C2CD3: variants seen among roughly 807,000 people sequenced by gnomAD.
C2CD3 encodes C2 domain containing 3 centriole elongation regulator, also known as C2 domain-containing protein 3.
In C2CD3, 148 loss-of-function variants were observed where a neutral mutation model predicts 234.0. The ratio of observed to expected loss-of-function variants is 0.63; its 90% CI spans 0.55 to 0.72. The LOEUF (loss-of-function observed/expected upper bound fraction) is 0.72, where lower values mean the gene tolerates loss of function less well. Among genes scored for constraint, C2CD3 ranks in the 30% least tolerant of loss-of-function variants. C2CD3 has a pLI of 0.00. For synonymous variants in C2CD3, 1,000 were observed against 1,035.4 expected (o/e 0.97, Z 0.66); for missense variants, 2,577 against 2,811.5 (o/e 0.92, Z 1.89).
intron 30 of C2CD3, chr11:74,034,566 T>A: frequency 1.9e-6 from 3 of 1,613,850 alleles, no homozygotes; most frequent in Non-Finnish European, 2.5e-6. Context: ...GAGCTGGGAG[T>A]CCTGGTGGGC....
chr11:74,122,163 G>A (rs570537439), intron 8 of C2CD3, among the ~76,000 whole-genome samples: 8 of 152,252 alleles, frequency 5.3e-5, no homozygotes, highest in South Asian at 2.1e-4. Context: ...CCCTTGTAGC[G>A]CAAAAATGTG....
intron 8 of C2CD3, among the ~76,000 whole-genome samples, chr11:74,119,044 G>T (rs1002104643): frequency 6.6e-6 from 1 of 151,708 alleles, no homozygotes; most frequent in East Asian, 1.9e-4. Flanking sequence ...CAAGTAGCTG[G>T]GACTACAGAC....
At chr11:74,063,917 T>C (rs904552482) in intron 24 of C2CD3, among the ~76,000 whole-genome samples, 1 of 152,194 alleles carries the variant, frequency 6.6e-6, no homozygotes, top group African/African-American at 2.4e-5. Context: ...ATTATTATTA[T>C]ACTTTAAGTT....
chr11:74,049,600 T>C (rs2135430249), intron 26 of C2CD3, 58 bp from the exon 27 acceptor site: 2 of 1,363,896 alleles, frequency 1.5e-6, no homozygotes, highest in Non-Finnish European at 2.1e-6. Flanking sequence ...CCACTGAGAT[T>C]AGAGGGTGCA....
intron 25 of C2CD3, among the ~76,000 whole-genome samples, chr11:74,056,186 C>G (rs1953941308): frequency 6.6e-6 from 1 of 152,146 alleles, no homozygotes; most frequent in Non-Finnish European, 1.5e-5. Flanking sequence ...TACACAAACA[C>G]TGTGAGAAAA....
intron 24 of C2CD3, 104 bp downstream of exon 24, chr11:74,074,149 A>G (rs1378943875): frequency 2.6e-6 from 2 of 779,368 alleles, no homozygotes; most frequent in African/African-American, 3.5e-5. Flanking sequence ...AATATTTATC[A>G]GTTGAGATAA....
At position 74,042,075 on chromosome 11, in the gene C2CD3, G is replaced by A; in HGVS notation, c.5639C>T (p.Thr1880Ile). 6.2e-7 allele frequency: 1 copy of A among 1,614,054 alleles called. No individual in the cohort carries two copies. The highest frequency in any genetic ancestry group is 1.3e-5 in the African/African-American group (1 of 75,030). ...TCACCTGAGAGAAGTCAGAATGGAG[G>A]TTTGGGAGGACAAAGGTGATGTGGT... ...KLTTSPLSSQ[T>I]SILTSLRKNL... Residue 1880 changes from threonine to isoleucine, a missense_variant, in exon 29 of 33, where the codon ACC becomes ATC. Coordinates refer to ENST00000334126, the MANE Select transcript of C2CD3 (RefSeq NM_001286577.2).
chr11:74,146,457 T>C (rs1032952675), intron 3 of C2CD3, among the ~76,000 whole-genome samples: 2 of 152,100 alleles, frequency 1.3e-5, no homozygotes, highest in African/African-American at 4.8e-5. Flanking sequence ...ATGAGAACTT[T>C]TATGTAAGGG....
At position 74,013,337 on chromosome 11, in the gene C2CD3, G is replaced by T; in HGVS notation, c.*48C>A. On this transcript the variant is annotated 3_prime_UTR_variant, in exon 33 of 33. Coordinates refer to ENST00000334126, the MANE Select transcript of C2CD3 (RefSeq NM_001286577.2). ...TGCCTCCTGCAAGCTGGACAAAGCTGACGGAGGGTGGGCAGGTGTCTCCTT... is the reference window on the plus strand; with the variant it reads ...TGCCTCCTGCAAGCTGGACAAAGCTTACGGAGGGTGGGCAGGTGTCTCCTT... 1.7e-6 allele frequency: 1 copy of T among 597,798 alleles called. No individual in the cohort carries two copies. Among genetic ancestry groups the T allele is most frequent in the South Asian group, 2.9e-5 (1 of 34,510 alleles). The allele number at this position is 597,798 out of a possible 1,614,324, so 37.0% of individuals were successfully genotyped here.
intron 7 of C2CD3, chr11:74,129,418 G>A (rs1486060365): frequency 2.3e-5 from 4 of 171,062 alleles, no homozygotes; most frequent in Non-Finnish European, 4.8e-5. Flanking sequence ...GGGCAGAGGC[G>A]CTCCTCACAT....
chr11:74,114,636 C>A, intron 9 of C2CD3, 43 bp from the exon 10 acceptor site: 1 of 1,240,124 alleles, frequency 8.1e-7, no homozygotes, highest in South Asian at 1.2e-5. Context: ...CTGCTACAGG[C>A]TTCACATGAA....
chr11:74,032,831 C>T (rs1952578082), intron 31 of C2CD3, among the ~76,000 whole-genome samples: 1 of 151,236 alleles, frequency 6.6e-6, no homozygotes. Context: ...TAACCTTGTA[C>T]TCCAGCTTGG....
chr11:74,106,959 G>A (rs1403255389), intron 12 of C2CD3, among the ~76,000 whole-genome samples: 1 of 152,190 alleles, frequency 6.6e-6, no homozygotes, highest in African/African-American at 2.4e-5. Flanking sequence ...TTTGGTAACA[G>A]ATATTAAAAG....
intron 11 of C2CD3, 50 bp downstream of exon 11, chr11:74,113,730 T>C (rs1191041118): frequency 4.6e-6 from 5 of 1,080,798 alleles, no homozygotes; most frequent in Non-Finnish European, 7.1e-6. Context: ...ATTCAAAAAT[T>C]CTTCCAAAGT....
chr11:74,040,051 C>T (rs112898265), intron 29 of C2CD3, among the ~76,000 whole-genome samples: 1 of 152,200 alleles, frequency 6.6e-6, no homozygotes, highest in African/African-American at 2.4e-5. Flanking sequence ...GGGCTGTGTT[C>T]GTGGCCTATT....
In C2CD3 at chr11:74,170,891, A is replaced by G; in HGVS notation, c.-99T>C. 6.9e-7 allele frequency: 1 copy of G among 1,451,350 alleles called. No individual in the cohort carries two copies. The highest frequency in any genetic ancestry group is 2.2e-4 in the Middle Eastern group (1 of 4,468). 89.9% of individuals were successfully genotyped at this position (1,451,350 alleles called of 1,614,324 possible). On this transcript the variant is annotated 5_prime_UTR_variant, in exon 1 of 33. Transcript: ENST00000334126. ...CCCACGGCGCCTGCGTTCCCCGGCA[A>G]CCGGCGCCGCTGGGCAGCCTGGGAG...
intron 9 of C2CD3, among the ~76,000 whole-genome samples, chr11:74,116,702 A>G (rs992911175): frequency 6.6e-6 from 1 of 151,534 alleles, no homozygotes; most frequent in Non-Finnish European, 1.5e-5. Flanking sequence ...ACAATTTGCA[A>G]TTGCAAAAAT....
At chr11:74,109,287 A>T in intron 11 of C2CD3, 135 bp from the exon 12 acceptor site, 1 of 596,344 alleles carries the variant, frequency 1.7e-6, no homozygotes, top group Non-Finnish European at 3.0e-6. Flanking sequence ...GTGTGCTTTC[A>T]CAGAAAGTGC....
chr11:74,126,992 T>C (rs944856067), intron 7 of C2CD3, among the ~76,000 whole-genome samples: 10 of 152,204 alleles, frequency 6.6e-5, no homozygotes, highest in African/African-American at 2.2e-4. Context: ...AATAAAAGTA[T>C]ATATATTTGT....
Sources: allele counts gnomAD v4.1 joint callset (sites outside exome capture counted in the v4.1 genomes callset), GRCh38; gene constraint gnomAD v4.1.1; transcripts MANE v1.5; gene names NCBI Gene and HGNC (gene_info 2026-07-23, HGNC 2026-07-21).